Variants in LIPA observed in about 807,000 individuals in gnomAD.
LIPA encodes lipase A, lysosomal acid type.
A neutral mutation model predicts 40.6 loss-of-function variants in LIPA; 26 were observed. That is an observed-to-expected ratio of 0.64 (90% CI 0.47 to 0.89). The LOEUF (loss-of-function observed/expected upper bound fraction) is 0.89, where lower values mean the gene tolerates loss of function less well. Ranked by LOEUF, LIPA falls within the 40% of genes least tolerant of loss-of-function variation. LIPA has a pLI of 0.00. For missense variants in LIPA, 455 were observed against 479.6 expected, an observed-to-expected ratio of 0.95 and a Z score of 0.48; for synonymous variants, 188 against 168.4, an observed-to-expected ratio of 1.12 and a Z score of -0.90.
chr10:89,393,120 G>A, intron 2 of LIPA: 2 of 1,294,276 alleles, frequency 1.5e-6, no homozygotes, highest in Non-Finnish European at 2.0e-6. Flanking sequence ...CTTTACCACA[G>A]AGAAAAAGCA....
intron 1 of LIPA, among the ~76,000 whole-genome samples, chr10:89,304,268 C>T (rs545102308): frequency 2.8e-5 from 4 of 144,124 alleles, no homozygotes; most frequent in African/African-American, 8.4e-5. Flanking sequence ...ACCCCAGGTG[C>T]GGGAGCCCCG....
chr10:89,384,464 A>G, intron 2 of LIPA: 1 of 1,611,810 alleles, frequency 6.2e-7, no homozygotes, highest in Non-Finnish European at 8.5e-7. Flanking sequence ...CATTACCACT[A>G]CGGCCGTTTC....
In LIPA at chr10:89,230,119, C is replaced by T. The variant is rs535030230; in HGVS notation, c.230-1721G>A. Among the ~76,000 whole-genome samples, 18 of 152,248 alleles carry T rather than the reference C, an allele frequency of 1.2e-4. 1 individual carries two copies. The South Asian group carries it at 3.7e-3, about 32-fold the overall frequency. On this transcript the variant is annotated intron_variant, in intron 3 of 9. Transcript: ENST00000336233. ...AACAAAGATGTGGGAGCCAAAGAAACCTGACCTCAAGCTGCTTACCTAACG... is the reference window on the plus strand; with the variant it reads ...AACAAAGATGTGGGAGCCAAAGAAATCTGACCTCAAGCTGCTTACCTAACG...
intron 2 of LIPA, among the ~76,000 whole-genome samples, chr10:89,376,225 A>C (rs1589625719): frequency 6.7e-6 from 1 of 150,060 alleles, no homozygotes; most frequent in Non-Finnish European, 1.5e-5. Flanking sequence ...AGAAGTCAAG[A>C]GGTCCAGCAC....
chr10:89,358,049 G>A (rs1425972391), intron 2 of LIPA, among the ~76,000 whole-genome samples: 2 of 152,114 alleles, frequency 1.3e-5, no homozygotes, highest in African/African-American at 4.8e-5. Flanking sequence ...AAAAAAAAGA[G>A]GACCCTATTC....
At chr10:89,373,654 G>A (rs755222871) in intron 2 of LIPA, among the ~76,000 whole-genome samples, 53 of 152,278 alleles carry the variant, frequency 3.5e-4, no homozygotes, top group Admixed American at 9.2e-4. Flanking sequence ...TAAAGTTCTA[G>A]ACTCAGAGCC....
At chr10:89,303,968 C>A (rs906298258) in intron 1 of LIPA, among the ~76,000 whole-genome samples, 3 of 152,286 alleles carry the variant, frequency 2.0e-5, no homozygotes, top group Middle Eastern at 6.8e-3. Context: ...GGAGAAAACA[C>A]AGGGTCTGAG....
At chr10:89,238,042 T>G (rs1406139876) in intron 3 of LIPA, among the ~76,000 whole-genome samples, 1 of 152,240 alleles carries the variant, frequency 6.6e-6, no homozygotes, top group Non-Finnish European at 1.5e-5. Flanking sequence ...CTGTGAAAGT[T>G]ATCAAGCCTG....
intron 2 of LIPA, among the ~76,000 whole-genome samples, chr10:89,379,984 G>A (rs891959006): frequency 8.6e-5 from 13 of 151,194 alleles, no homozygotes; most frequent in Middle Eastern, 3.4e-3. Context: ...GAAGTGAGCC[G>A]AGATTGCACC....
At chr10:89,321,291 G>T (rs1179741395) in intron 1 of LIPA, among the ~76,000 whole-genome samples, 1 of 152,070 alleles carries the variant, frequency 6.6e-6, no homozygotes, top group East Asian at 1.9e-4. Flanking sequence ...AACCTACAGA[G>T]TGGGAGAAAA....
chr10:89,368,763 G>A (rs1344162477), intron 2 of LIPA, among the ~76,000 whole-genome samples: 1 of 152,052 alleles, frequency 6.6e-6, no homozygotes, highest in Non-Finnish European at 1.5e-5. Flanking sequence ...CTGGCTTGGT[G>A]CTAGTTATAA....
intron 2 of LIPA, among the ~76,000 whole-genome samples, chr10:89,372,683 T>G (rs1844098158): frequency 6.6e-6 from 1 of 152,232 alleles, no homozygotes; most frequent in African/African-American, 2.4e-5. Context: ...AACAATATGT[T>G]TGGATCGCAG....
At chr10:89,356,548 T>C (rs1281243075) in intron 2 of LIPA, among the ~76,000 whole-genome samples, 1 of 152,174 alleles carries the variant, frequency 6.6e-6, no homozygotes, top group Admixed American at 6.5e-5. Flanking sequence ...TTGTGAACTC[T>C]GCATCCGATG....
intron 1 of LIPA, among the ~76,000 whole-genome samples, chr10:89,274,980 G>T (rs946804735): frequency 6.6e-6 from 1 of 152,214 alleles, no homozygotes; most frequent in African/African-American, 2.4e-5. Context: ...TATCTTAAGA[G>T]ACACTGCCAA....
chr10:89,380,147 A>C (rs1287123937), intron 2 of LIPA, among the ~76,000 whole-genome samples: 1 of 152,118 alleles, frequency 6.6e-6, no homozygotes, highest in Non-Finnish European at 1.5e-5. Flanking sequence ...GAGGTTTTGC[A>C]ATGGCCTGGG....
intron 3 of LIPA, among the ~76,000 whole-genome samples, chr10:89,233,006 G>A (rs867551196): frequency 6.6e-6 from 1 of 152,146 alleles, no homozygotes; most frequent in Admixed American, 6.5e-5. Flanking sequence ...TAAGAACATC[G>A]GTAAATACCC....
rs1204744283 is a variant in LIPA at position 89,223,683 on chromosome 10, C to G, written c.822+1G>C. The stretch of plus-strand genomic sequence containing the variant: ...TCAAATCTTACTATAAACATGCATA[C>G]CATATTTAAATTTCTCTCATTAAAT... On this transcript the variant is annotated splice_donor_variant, in intron 7 of 9. Transcript: ENST00000336233. LOFTEE classifies it high-confidence loss of function. 1.2e-6 allele frequency: 2 copies of G among 1,604,762 alleles called. No individual in the cohort carries two copies. The highest frequency in any genetic ancestry group is 1.7e-6 in the Non-Finnish European group (2 of 1,171,826).
intron 2 of LIPA, among the ~76,000 whole-genome samples, chr10:89,357,660 T>C (rs1403709617): frequency 2.0e-5 from 3 of 152,146 alleles, no homozygotes; most frequent in South Asian, 4.1e-4. Flanking sequence ...GACCTGAGGT[T>C]TGAGAGGAGC....
intron 2 of LIPA, chr10:89,403,871 A>C (rs996507857): frequency 3.5e-6 from 2 of 571,808 alleles, no homozygotes. Flanking sequence ...TTCAACAATT[A>C]GTGAAACAGA....
Sources: gnomAD v4.1 joint callset for allele counts (sites outside exome capture counted in the v4.1 genomes callset) on GRCh38, gnomAD v4.1.1 for gene constraint, MANE v1.5 for transcripts, NCBI Gene and HGNC (gene_info 2026-07-23, HGNC 2026-07-21) for gene names.